Variants in MON1A observed in about 807,000 individuals in gnomAD.
MON1A encodes the protein vacuolar fusion protein MON1 homolog A.
Under a neutral mutation model 44.6 loss-of-function variants are expected in MON1A, and 29 were observed. The ratio of observed to expected loss-of-function variants is 0.65; its 90% CI spans 0.48 to 0.89. The LOEUF (loss-of-function observed/expected upper bound fraction) is 0.89. Among genes scored for constraint, MON1A ranks in the 40% least tolerant of loss-of-function variants. The probability of loss-of-function intolerance (pLI) is 0.00; values close to 1 mark genes in which losing one functional copy is unlikely to be tolerated. For missense variants in MON1A, 615 were observed against 759.6 expected (o/e 0.81, Z 2.24); for synonymous variants, 275 against 316.4 (o/e 0.87, Z 1.39).
At chr3:49,916,565 G>GC (rs1483236655) in intron 1 of MON1A, 1 of 152,336 alleles carries the variant, frequency 6.6e-6, no homozygotes, top group Non-Finnish European at 1.5e-5. Flanking sequence ...ACTGCCAACA[G>GC]CATCACCCCA....
At chr3:49,929,344 GGTGGGGGA>G in intron 1 of MON1A, 1 of 549,314 alleles carries the variant, frequency 1.8e-6, no homozygotes, top group Non-Finnish European at 3.2e-6. Context: ...GCGGGGCGGG[GGTGGGGGA>G]GTGGGGAGAG....
intron 1 of MON1A, among the ~76,000 whole-genome samples, chr3:49,919,263 CTA>C (rs2082975464): frequency 1.3e-5 from 2 of 152,282 alleles, no homozygotes; most frequent in East Asian, 1.9e-4. Context: ...GTGAACTTTT[CTA>C]TATGTTTGTT....
In MON1A at chr3:49,910,151, G is replaced by C. The variant is rs759008252; in HGVS notation, c.1347C>G (p.Leu449=). The C allele has an allele frequency of 6.2e-7, 1 of 1,607,128 alleles. No homozygotes were observed. Among genetic ancestry groups the C allele is most frequent in the Non-Finnish European group, 8.5e-7 (1 of 1,174,534 alleles). ...AGAGTCCCGAGCTCTTTGACTTATA[G>C]AGGAAGTGACGCAGGTCAGGGATGC... is the stretch of plus-strand genomic sequence containing the variant. ...QVGIPDLRHF[L]YKSKSSGLFT... The change falls in exon 4 of 6, where the codon CTC becomes CTG. Residue 449 remains leucine, a synonymous_variant. Transcript: ENST00000296473. This position sits in a 1 kb window ranked among gnomAD's most constrained non-coding sequence, Gnocchi z 8.0.
intron 1 of MON1A, among the ~76,000 whole-genome samples, chr3:49,918,593 G>A (rs940677995): frequency 2.6e-5 from 4 of 151,878 alleles, no homozygotes; most frequent in Non-Finnish European, 4.4e-5. Context: ...TGTATTTTTA[G>A]TAGAGACGGG....
chr3:49,927,311 A>G (rs1301316021), intron 1 of MON1A, among the ~76,000 whole-genome samples: 2 of 152,138 alleles, frequency 1.3e-5, no homozygotes, highest in Non-Finnish European at 2.9e-5. Context: ...ATAAAATGGG[A>G]TAGTAGTATT....
chr3:49,919,324 C>T (rs1028767377), intron 1 of MON1A, among the ~76,000 whole-genome samples: 2 of 152,162 alleles, frequency 1.3e-5, no homozygotes, highest in East Asian at 1.9e-4. Context: ...TCTACATTCC[C>T]CACTAGCTAT....
At position 49,929,347 on chromosome 3, in the gene MON1A, G is replaced by T. The variant is rs1434837029; in HGVS notation, c.-14+262C>A. ...GTACGTTTGTTGGCGGGGCGGGGGT[G>T]GGGGAGTGGGGAGAGTCCTACCTGG... is the stretch of plus-strand genomic sequence containing the variant. On this transcript the variant is annotated intron_variant, in intron 1 of 5. Coordinates refer to ENST00000296473, the MANE Select transcript of MON1A (RefSeq NM_032355.4). The T allele has an allele frequency of 2.2e-5, 12 of 550,590 alleles. No homozygotes were observed. The Admixed American group carries it at 3.8e-4, about 17-fold the overall frequency. The allele number at this position is 550,590 out of a possible 1,614,324, so 34.1% of individuals were successfully genotyped here.
chr3:49,921,587 G>A (rs981621826), intron 1 of MON1A, among the ~76,000 whole-genome samples: 4 of 148,840 alleles, frequency 2.7e-5, no homozygotes, highest in African/African-American at 4.9e-5. Context: ...TGGCTAACAC[G>A]GGAAACCCAT....
rs111776629 is a variant in MON1A, at chr3:49,911,186, T to C, written c.614-302A>G. 7.3e-4 allele frequency among the ~76,000 whole-genome samples: 103 copies of C among 141,914 alleles called. 2 individuals carry two copies. The highest frequency in any genetic ancestry group is 2.7e-3 in the African/African-American group (97 of 35,952). 93.1% of individuals were successfully genotyped at this position (141,914 alleles called of 152,430 possible). On this transcript the variant is annotated intron_variant, in intron 3 of 5. Transcript: ENST00000296473. The surrounding 1 kb of genome is among the most constrained non-coding windows in gnomAD (Gnocchi z 5.7). ...TGGAGCTCAGGACCTGGGAGATAGA[T>C]AGATTAGATAGATAGATAGATAGAT... is the stretch of plus-strand genomic sequence containing the variant.
chr3:49,911,014 G>A lies in MON1A; in HGVS notation c.614-130C>T. ...AGCTCTGCGCACAGTAGGGGTTTAA[G>A]GATGTTCAGGATAAAAACCCATTGC... is the stretch of plus-strand genomic sequence containing the variant. On this transcript the variant is annotated intron_variant, in intron 3 of 5. Transcript: ENST00000296473. This position sits in a 1 kb window ranked among gnomAD's most constrained non-coding sequence, Gnocchi z 5.7. 1 of 896,210 alleles carries A rather than the reference G, an allele frequency of 1.1e-6. No individual in the cohort carries two copies. Among genetic ancestry groups the A allele is most frequent in the Non-Finnish European group, 1.6e-6 (1 of 607,662 alleles). 55.5% of individuals were successfully genotyped at this position (896,210 alleles called of 1,614,324 possible).
At chr3:49,928,184 C>T (rs1181959126) in intron 1 of MON1A, among the ~76,000 whole-genome samples, 2 of 152,140 alleles carry the variant, frequency 1.3e-5, no homozygotes, top group Admixed American at 6.5e-5. Flanking sequence ...TCTCCTGCCA[C>T]CTGAGATCAT....
intron 1 of MON1A, among the ~76,000 whole-genome samples, chr3:49,917,433 C>T (rs1000854662): frequency 9.2e-5 from 14 of 151,988 alleles, no homozygotes; most frequent in African/African-American, 3.4e-4. Context: ...CTATAGGCGC[C>T]CGCCACCACG....
In MON1A at chr3:49,910,510, C is replaced by T. The variant is rs2082863763; in HGVS notation, c.988G>A (p.Val330Met). The T allele has an allele frequency of 6.2e-7, 1 of 1,613,930 alleles. No individual in the cohort carries two copies. Among genetic ancestry groups the T allele is most frequent in the Non-Finnish European group, 8.5e-7 (1 of 1,179,886 alleles). ...TGGTCCTTTCGGCGCACGAGTGCCACGAGCTGGTTGCGGGCCAGCAGGATG... is the reference window on the plus strand; with the variant it reads ...TGGTCCTTTCGGCGCACGAGTGCCATGAGCTGGTTGCGGGCCAGCAGGATG... ...FSILLARNQL[V>M]ALVRRKDQFL... is the part of the protein sequence containing the mutation. The change falls in exon 4 of 6, where the codon GTG (valine) becomes ATG (methionine). Residue 330 changes from valine (V) to methionine (M), a missense_variant. Transcript: ENST00000296473. The surrounding 1 kb of genome is among the most constrained non-coding windows in gnomAD (Gnocchi z 8.0).
In MON1A at chr3:49,929,633, G is replaced by A; in HGVS notation, c.-38C>T. On this transcript the variant is annotated 5_prime_UTR_variant, in exon 1 of 6. Transcript: ENST00000296473. ...CCTGTTTCTCAGAGGAGTCCAGGAC[G>A]CACAGAAGGTGCCGGTCACTGCCCT... is the stretch of plus-strand genomic sequence containing the variant. 1 of 1,551,558 alleles carries A rather than the reference G, an allele frequency of 6.4e-7. No homozygotes were observed. The highest frequency in any genetic ancestry group is 8.7e-7 in the Non-Finnish European group (1 of 1,146,942).
Position 49,910,989 on chromosome 3 carries a change from A to G in MON1A, c.614-105T>C. ...CTTTCCCCATCCTTTCCTCGCTCAG[A>G]GCTCTGCGCACAGTAGGGGTTTAAG... On this transcript the variant is annotated intron_variant, in intron 3 of 5. Coordinates refer to ENST00000296473, the MANE Select transcript of MON1A (RefSeq NM_032355.4). This position sits in a 1 kb window ranked among gnomAD's most constrained non-coding sequence, Gnocchi z 8.0. The G allele has an allele frequency of 8.9e-7, 1 of 1,125,716 alleles. No homozygotes were observed. Among genetic ancestry groups the G allele is most frequent in the Non-Finnish European group, 1.2e-6 (1 of 801,642 alleles). 69.7% of individuals were successfully genotyped at this position (1,125,716 alleles called of 1,614,324 possible).
chr3:49,921,168 C>CA (rs1011883602), intron 1 of MON1A, among the ~76,000 whole-genome samples: 2 of 147,946 alleles, frequency 1.4e-5, no homozygotes, highest in African/African-American at 2.5e-5. Context: ...TTTTTTTTTT[C>CA]TTTTTTTGAG....
chr3:49,913,313 C>A lies in MON1A; in HGVS notation c.34G>T (p.Glu12Ter). The change falls in exon 2 of 6, where the codon GAA (glutamate) becomes TAA (stop). Residue 12 changes from glutamate to a stop codon, truncating the protein, a stop_gained. Coordinates refer to ENST00000296473, the MANE Select transcript of MON1A (RefSeq NM_032355.4). LOFTEE classifies it high-confidence loss of function. ...ATDMQRKRSSECLDGTLTPSD... is the reference protein window; with the variant it reads ...ATDMQRKRSS ...GGAGTCAATGTGCCATCAAGGCATT[C>A]GCTGCTTCTCTTCCTCTGCATGTCA... The A allele has an allele frequency of 6.2e-7, 1 of 1,613,640 alleles. No homozygotes were observed. The highest frequency in any genetic ancestry group is 8.5e-7 in the Non-Finnish European group (1 of 1,179,616).
intron 1 of MON1A, among the ~76,000 whole-genome samples, chr3:49,913,655 CTAGTATT>C (rs2082913016): frequency 7.2e-6 from 1 of 138,414 alleles, no homozygotes; most frequent in Non-Finnish European, 1.6e-5. Flanking sequence ...GTATTTCCTT[CTAGTATT>C]TTTTTTTTTT....
In MON1A at chr3:49,910,895, G is replaced by A; in HGVS notation, c.614-11C>T. ...CTACCTTGTAGCCATCTGAGAGCGG[G>A]ACAGGAAAGAAGGATGTCAGCCTCA... On this transcript the variant is annotated splice_polypyrimidine_tract_variant and intron_variant, in intron 3 of 5. Coordinates refer to ENST00000296473, the MANE Select transcript of MON1A (RefSeq NM_032355.4). This position sits in a 1 kb window ranked among gnomAD's most constrained non-coding sequence, Gnocchi z 8.0. 2 of 1,581,438 alleles carry A rather than the reference G, an allele frequency of 1.3e-6. No individual in the cohort carries two copies. Among genetic ancestry groups the A allele is most frequent in the Non-Finnish European group, 8.6e-7 (1 of 1,159,174 alleles).
Sources: gnomAD v4.1 joint callset for allele counts (sites outside exome capture counted in the v4.1 genomes callset) on GRCh38, gnomAD v4.1.1 for gene constraint, Gnocchi (gnomAD v3.1) non-coding constraint, MANE v1.5 for transcripts, NCBI Gene and HGNC (gene_info 2026-07-23, HGNC 2026-07-21) for gene names.